Variants in ERC2 observed in about 807,000 individuals in gnomAD.
The protein encoded by ERC2 is ELKS/RAB6-interacting/CAST family member 2.
ERC2 carries 42 observed loss-of-function variants against 114.8 expected under a neutral mutation model. That is an observed-to-expected ratio of 0.37 (90% CI 0.29 to 0.47). The LOEUF (loss-of-function observed/expected upper bound fraction) is 0.47, where lower values mean the gene tolerates loss of function less well. Among genes scored for constraint, ERC2 ranks in the 20% least tolerant of loss-of-function variants. The pLI is 0.99. For synonymous variants in ERC2, 454 were observed against 425.5 expected, an observed-to-expected ratio of 1.07 and a Z score of -0.82; for missense variants, 939 against 1,150.7, an observed-to-expected ratio of 0.82 and a Z score of 2.66.
chr3:55,741,885 G>A (rs942487629), intron 14 of ERC2, among the ~76,000 whole-genome samples: 3 of 152,080 alleles, frequency 2.0e-5, no homozygotes, highest in Non-Finnish European at 4.4e-5. Flanking sequence ...CTAAACAAAT[G>A]TCAAGGGGAA....
chr3:56,272,877 C>T (rs1200012350), intron 3 of ERC2, among the ~76,000 whole-genome samples: 2 of 152,222 alleles, frequency 1.3e-5, no homozygotes, highest in Non-Finnish European at 2.9e-5. Flanking sequence ...ACCAATGCTA[C>T]GTTATGGGAA....
chr3:55,816,142 CT>C (rs2059898111), intron 14 of ERC2, among the ~76,000 whole-genome samples: 1 of 152,210 alleles, frequency 6.6e-6, no homozygotes, highest in South Asian at 2.1e-4. Flanking sequence ...ATTAATATGA[CT>C]TAGAGAAAAT....
intron 12 of ERC2, among the ~76,000 whole-genome samples, chr3:55,952,149 A>C (rs2067570103): frequency 1.9e-5 from 1 of 53,166 alleles, no homozygotes; most frequent in Non-Finnish European, 4.3e-5. Context: ...ACACACACAC[A>C]CACACACACA....
chr3:56,121,910 T>C (rs2079601801), intron 6 of ERC2, among the ~76,000 whole-genome samples: 1 of 152,136 alleles, frequency 6.6e-6, no homozygotes, highest in South Asian at 2.1e-4. Flanking sequence ...CACATGTGCT[T>C]GACTTCAATC....
At chr3:55,532,349 C>T (rs990683196) in intron 17 of ERC2, among the ~76,000 whole-genome samples, 1 of 152,156 alleles carries the variant, frequency 6.6e-6, no homozygotes, top group African/African-American at 2.4e-5. Context: ...AATATGATTG[C>T]TTTCATTTTA....
chr3:56,214,512 T>A (rs2049314486), intron 3 of ERC2, among the ~76,000 whole-genome samples: 1 of 152,044 alleles, frequency 6.6e-6, no homozygotes, highest in Non-Finnish European at 1.5e-5. Flanking sequence ...CAAATCTACA[T>A]CTGATTGGTG....
chr3:56,170,584 T>C (rs556478780), intron 4 of ERC2, among the ~76,000 whole-genome samples: 2 of 101,168 alleles, frequency 2.0e-5, no homozygotes, highest in East Asian at 6.2e-4. Context: ...AAATCTCTTC[T>C]GTTTTTTTTT....
intron 3 of ERC2, among the ~76,000 whole-genome samples, chr3:56,213,543 C>T (rs6445772): frequency 6.6e-6 from 1 of 152,134 alleles, no homozygotes; most frequent in Admixed American, 6.5e-5. Flanking sequence ...GGAGCCCATC[C>T]CAGCTCAAGG....
At chr3:56,341,848 C>A (rs1379962864) in intron 2 of ERC2, among the ~76,000 whole-genome samples, 6 of 152,172 alleles carry the variant, frequency 3.9e-5, no homozygotes, top group African/African-American at 1.4e-4. Flanking sequence ...CAGGGCATCA[C>A]CTACCTCTGG....
intron 14 of ERC2, among the ~76,000 whole-genome samples, chr3:55,768,342 A>G (rs1249358776): frequency 6.6e-6 from 1 of 152,242 alleles, no homozygotes; most frequent in African/African-American, 2.4e-5. Flanking sequence ...CTTCACATCC[A>G]TCGCTCATTC....
chr3:55,767,903 T>C (rs1350563609), intron 14 of ERC2, among the ~76,000 whole-genome samples: 2 of 152,206 alleles, frequency 1.3e-5, no homozygotes, highest in East Asian at 1.9e-4. Flanking sequence ...CCAAATCTCA[T>C]GTCAAACTGT....
intron 3 of ERC2, among the ~76,000 whole-genome samples, chr3:56,242,188 C>T (rs1321703005): frequency 6.7e-6 from 1 of 149,102 alleles, no homozygotes; most frequent in Admixed American, 6.6e-5. Flanking sequence ...TGGATGGAGG[C>T]CATTTTTCTA....
At chr3:55,948,745 G>A (rs914581377) in intron 13 of ERC2, among the ~76,000 whole-genome samples, 18 of 152,102 alleles carry the variant, frequency 1.2e-4, no homozygotes, top group Admixed American at 5.9e-4. Context: ...AACTATATGT[G>A]TCCTCAGAAA....
At chr3:55,729,296 T>G (rs2065104886) in intron 15 of ERC2, among the ~76,000 whole-genome samples, 3 of 152,124 alleles carry the variant, frequency 2.0e-5, no homozygotes, top group Admixed American at 2.0e-4. Context: ...TTCTGCTTCA[T>G]TCCGTCTGCT....
At chr3:55,785,187 A>T (rs1448893615) in intron 14 of ERC2, among the ~76,000 whole-genome samples, 1 of 152,254 alleles carries the variant, frequency 6.6e-6, no homozygotes, top group Non-Finnish European at 1.5e-5. Flanking sequence ...AATTCAGGGT[A>T]CACAAGGAAA....
At chr3:56,370,256 G>A (rs2059312033) in intron 2 of ERC2, among the ~76,000 whole-genome samples, 1 of 152,174 alleles carries the variant, frequency 6.6e-6, no homozygotes, top group African/African-American at 2.4e-5. Context: ...GCTAACTCTG[G>A]CAAAAGTTAT....
intron 16 of ERC2, among the ~76,000 whole-genome samples, chr3:55,697,577 A>G (rs956764355): frequency 1.3e-5 from 2 of 152,176 alleles, no homozygotes; most frequent in African/African-American, 2.4e-5. Flanking sequence ...TTTGTAAGAA[A>G]TACCATTCAC....
chr3:56,317,810 T>C (rs1297002239), intron 2 of ERC2, among the ~76,000 whole-genome samples: 2 of 152,152 alleles, frequency 1.3e-5, no homozygotes, highest in Non-Finnish European at 2.9e-5. Flanking sequence ...AATATTAACG[T>C]GGCAAGAGGT....
intron 2 of ERC2, among the ~76,000 whole-genome samples, chr3:56,365,070 G>A (rs1398979573): frequency 6.6e-6 from 1 of 152,200 alleles, no homozygotes. Context: ...TACATGAAGT[G>A]TTTAAAACAA....
Sources: gnomAD v4.1 joint callset for allele counts (sites outside exome capture counted in the v4.1 genomes callset) on GRCh38, gnomAD v4.1.1 for gene constraint, MANE v1.5 for transcripts, NCBI Gene and HGNC (gene_info 2026-07-23, HGNC 2026-07-21) for gene names.